STOX1: variants seen among roughly 807,000 people sequenced by gnomAD.
The protein encoded by STOX1 is storkhead box 1, also known as storkhead-box protein 1.
STOX1 carries 57 observed loss-of-function variants against 74.8 expected under a neutral mutation model. The observed-to-expected ratio is 0.76, with a 90% CI of 0.62 to 0.95. STOX1 has a LOEUF of 0.95. Among genes scored for constraint, STOX1 ranks in the 40% least tolerant of loss-of-function variants. The pLI is 0.00. For missense variants in STOX1, 1,010 were observed against 1,117.0 expected (o/e 0.90, Z 1.37); for synonymous variants, 375 against 401.3 (o/e 0.93, Z 0.78).
chr10:68,880,544 C>A (rs1840791766), intron 1 of STOX1, among the ~76,000 whole-genome samples: 1 of 152,076 alleles, frequency 6.6e-6, no homozygotes, highest in Non-Finnish European at 1.5e-5. Context: ...TTCCTCAACC[C>A]TTTGGATTTC....
At position 68,880,252 on chromosome 10, in the gene STOX1, A is replaced by T. The variant is rs1840784690; in HGVS notation, c.311-1706A>T. 2.0e-5 allele frequency among the ~76,000 whole-genome samples: 3 copies of T among 149,308 alleles called. No homozygotes were observed. The Admixed American group carries it at 2.0e-4, about 10-fold the overall frequency. ...CGCAGGAGTGCAATGGTGCAGTCATAGCTCATTTCAGCCTCTAACTCCTGG... is the reference window on the plus strand; with the variant it reads ...CGCAGGAGTGCAATGGTGCAGTCATTGCTCATTTCAGCCTCTAACTCCTGG... On this transcript the variant is annotated intron_variant, in intron 1 of 3. Coordinates refer to ENST00000298596, the MANE Select transcript of STOX1 (RefSeq NM_152709.5).
At chr10:68,848,499 G>A (rs1306416719) in intron 1 of STOX1, among the ~76,000 whole-genome samples, 9 of 152,048 alleles carry the variant, frequency 5.9e-5, no homozygotes, top group South Asian at 2.1e-4. Context: ...ATGAGATGAC[G>A]GGCAGTTTGC....
At chr10:68,879,471 C>T (rs768843403) in intron 1 of STOX1, among the ~76,000 whole-genome samples, 7 of 152,144 alleles carry the variant, frequency 4.6e-5, no homozygotes, top group Non-Finnish European at 1.0e-4. Flanking sequence ...TCTCTACTTA[C>T]GCCCTTGATA....
intron 3 of STOX1, among the ~76,000 whole-genome samples, chr10:68,890,143 C>CTA (rs1279904955): frequency 1.3e-5 from 2 of 151,534 alleles, no homozygotes; most frequent in African/African-American, 4.9e-5. Context: ...GTTATGTGGA[C>CTA]TATATATATA....
At position 68,862,074 on chromosome 10, in the gene STOX1, A is replaced by G. The variant is rs1451970211; in HGVS notation, c.311-19884A>G. Among the ~76,000 whole-genome samples, 2 of 152,096 alleles carry G rather than the reference A, an allele frequency of 1.3e-5. 1 individual carries two copies. The highest frequency in any genetic ancestry group is 4.8e-5 in the African/African-American group (2 of 41,358). On this transcript the variant is annotated intron_variant, in intron 1 of 3. Coordinates refer to ENST00000298596, the MANE Select transcript of STOX1 (RefSeq NM_152709.5). ...TATTTTAGTTTGAGAGTTCCACAGC[A>G]TAGTAGAATTCTTTTGCCGTTTAGT...
At chr10:68,888,159 G>A (rs1366137402) in intron 3 of STOX1, among the ~76,000 whole-genome samples, 1 of 151,994 alleles carries the variant, frequency 6.6e-6, no homozygotes, top group African/African-American at 2.4e-5. Context: ...GGAGTACAAT[G>A]GTGTGGTCTC....
chr10:68,869,385 C>G (rs932974195), intron 1 of STOX1, among the ~76,000 whole-genome samples: 1 of 152,096 alleles, frequency 6.6e-6, no homozygotes, highest in South Asian at 2.1e-4. Flanking sequence ...GTGTCTGATG[C>G]TAAACAATGG....
chr10:68,838,745 C>G (rs1839620182), intron 1 of STOX1, among the ~76,000 whole-genome samples: 1 of 152,006 alleles, frequency 6.6e-6, no homozygotes, highest in South Asian at 2.1e-4. Flanking sequence ...CCCATCTCTA[C>G]TAAAAATACA....
chr10:68,891,824 CT>C (rs34750496), intron 3 of STOX1, among the ~76,000 whole-genome samples: 3 of 148,880 alleles, frequency 2.0e-5, no homozygotes, highest in Non-Finnish European at 3.0e-5. Flanking sequence ...AGCAAAAATA[CT>C]TTTTTTGTGT....
chr10:68,892,792 ATCTT>A lies in STOX1; in HGVS notation c.*59_*62del, dbSNP rs1841129226. On this transcript the variant is annotated 3_prime_UTR_variant, in exon 4 of 4. Transcript: ENST00000298596. ...TAAAAAGGTAGAGCATTATTACAGAATCTTTCAATCATGTAAGAATTGAGTATAT... is the reference window on the plus strand; with the variant it reads ...TAAAAAGGTAGAGCATTATTACAGAATCAATCATGTAAGAATTGAGTATAT... The A allele has an allele frequency of 6.4e-7, 1 of 1,554,032 alleles. No individual in the cohort carries two copies. Among genetic ancestry groups the A allele is most frequent in the East Asian group, 2.3e-5 (1 of 44,380 alleles).
intron 1 of STOX1, among the ~76,000 whole-genome samples, chr10:68,866,922 C>T (rs547095731): frequency 5.1e-4 from 76 of 149,928 alleles, no homozygotes; most frequent in Non-Finnish European, 8.1e-4. Flanking sequence ...TAGAATGACA[C>T]TGATTGGACC....
chr10:68,868,942 A>T (rs1230047798), intron 1 of STOX1, among the ~76,000 whole-genome samples: 1 of 152,210 alleles, frequency 6.6e-6, no homozygotes, highest in Non-Finnish European at 1.5e-5. Context: ...AGCTGAGGTC[A>T]CTAATTAATA....
At chr10:68,844,070 C>T (rs1461752076) in intron 1 of STOX1, among the ~76,000 whole-genome samples, 2 of 151,772 alleles carry the variant, frequency 1.3e-5, no homozygotes, top group African/African-American at 2.4e-5. Context: ...GTCCCAGCTA[C>T]TTGGGAGCCT....
At chr10:68,892,038 C>G (rs1394282328) in intron 3 of STOX1, among the ~76,000 whole-genome samples, 1 of 151,904 alleles carries the variant, frequency 6.6e-6, no homozygotes. Context: ...CCAGGCTAGT[C>G]TCAAACTCCT....
intron 1 of STOX1, among the ~76,000 whole-genome samples, chr10:68,863,417 G>C (rs1840314362): frequency 6.6e-6 from 1 of 151,476 alleles, no homozygotes; most frequent in African/African-American, 2.4e-5. Context: ...AATAGGGCCA[G>C]ATACCCAAAA....
chr10:68,885,058 A>T lies in STOX1; in HGVS notation c.1262A>T (p.Lys421Ile), dbSNP rs1840907377. The T allele has an allele frequency of 1.2e-6, 2 of 1,614,166 alleles. No individual in the cohort carries two copies. Among genetic ancestry groups the T allele is most frequent in the Non-Finnish European group, 1.7e-6 (2 of 1,180,028 alleles). The change falls in exon 3 of 4, where the codon AAA becomes ATA. Residue 421 changes from lysine (K) to isoleucine (I), a missense_variant. Lys to Ile is a moderately radical substitution (Grantham distance 102). Transcript: ENST00000298596. ...AAGAAAAGGCAGGGTCTGTCTGCAA[A>T]ACCTCAAGGGCAGGGCCATTCTCGA... ...GVKKRQGLSA[K>I]PQGQGHSRRD...
intron 3 of STOX1, 85 bp from the exon 4 acceptor site, chr10:68,892,504 A>G (rs777560292): frequency 2.8e-5 from 37 of 1,305,430 alleles, no homozygotes; most frequent in Non-Finnish European, 3.4e-5. Context: ...TACTACTTCA[A>G]AGTAGCAAAT....
chr10:68,846,329 T>A (rs2133523587), intron 1 of STOX1, among the ~76,000 whole-genome samples: 1 of 151,908 alleles, frequency 6.6e-6, no homozygotes, highest in African/African-American at 2.4e-5. Flanking sequence ...TTTGTATTTT[T>A]AGTAGGGATG....
intron 1 of STOX1, among the ~76,000 whole-genome samples, chr10:68,852,662 C>T (rs533442332): frequency 6.6e-6 from 1 of 151,742 alleles, no homozygotes; most frequent in East Asian, 1.9e-4. Flanking sequence ...TAGCTCACTG[C>T]AGCCTCAGCT....
Sources: gnomAD v4.1 joint callset for allele counts (sites outside exome capture counted in the v4.1 genomes callset) on GRCh38, gnomAD v4.1.1 for gene constraint, MANE v1.5 for transcripts, NCBI Gene and HGNC (gene_info 2026-07-23, HGNC 2026-07-21) for gene names.